The following IGSF11 variants were observed in gnomAD, a reference collection of about 807,000 sequenced individuals.
IGSF11 encodes CXADR like 1.
IGSF11 carries 22 observed loss-of-function variants against 41.0 expected under a neutral mutation model. The ratio of observed to expected loss-of-function variants is 0.54; its 90% CI spans 0.38 to 0.77. The LOEUF is 0.77. Ranked by LOEUF, IGSF11 falls within the 30% of genes least tolerant of loss-of-function variation. The pLI, the probability that IGSF11 is intolerant of heterozygous loss-of-function variation, is 0.00. For synonymous variants in IGSF11, 219 were observed against 201.3 expected, an observed-to-expected ratio of 1.09 and a Z score of -0.74; for missense variants, 444 against 530.8, an observed-to-expected ratio of 0.84 and a Z score of 1.61.
intron 1 of IGSF11, among the ~76,000 whole-genome samples, chr3:119,091,994 G>GA (rs1491453835): frequency 4.1e-5 from 1 of 24,332 alleles, no homozygotes; most frequent in African/African-American, 1.1e-4. Context: ...TGGTTTTTTT[G>GA]GGGGGGGGGG....
upstream of IGSF11, among the ~76,000 whole-genome samples, chr3:119,105,379 C>G (rs191009231): frequency 3.2e-3 from 486 of 152,200 alleles, 4 homozygotes; most frequent in African/African-American, 0.011. Context: ...ATTAATCACA[C>G]AGAAACTTTA....
chr3:119,058,328 C>T (rs1269424537), intron 1 of IGSF11, among the ~76,000 whole-genome samples: 2 of 152,174 alleles, frequency 1.3e-5, no homozygotes, highest in Non-Finnish European at 2.9e-5. Flanking sequence ...TGAACAGACA[C>T]TTCCCAAAAG....
At chr3:119,063,528 A>T (rs1485045259) in intron 1 of IGSF11, among the ~76,000 whole-genome samples, 2 of 152,248 alleles carry the variant, frequency 1.3e-5, no homozygotes, top group Non-Finnish European at 2.9e-5. Flanking sequence ...TAGAAAAAAA[A>T]ATGTCATTCT....
intron 1 of IGSF11, among the ~76,000 whole-genome samples, chr3:118,950,375 A>G (rs935199163): frequency 3.9e-5 from 6 of 152,218 alleles, no homozygotes; most frequent in Non-Finnish European, 5.9e-5. Context: ...ATTTCCTATC[A>G]TAAACAATAA....
chr3:118,925,927 GAAGA>G (rs1942248610), intron 4 of IGSF11, 170 bp downstream of exon 4: 1 of 399,062 alleles, frequency 2.5e-6, no homozygotes, highest in Non-Finnish European at 4.4e-6. Flanking sequence ...GCAATATAGA[GAAGA>G]GAGAGAAAAT....
At chr3:119,015,794 A>T (rs1559795011) in intron 1 of IGSF11, among the ~76,000 whole-genome samples, 1 of 152,112 alleles carries the variant, frequency 6.6e-6, no homozygotes, top group Non-Finnish European at 1.5e-5. Flanking sequence ...GGGGGAAAGG[A>T]AAAGTTAGAA....
intron 1 of IGSF11, among the ~76,000 whole-genome samples, chr3:118,945,420 C>T (rs1483338602): frequency 6.6e-6 from 1 of 152,160 alleles, no homozygotes; most frequent in East Asian, 1.9e-4. Flanking sequence ...ATGCTTTCCA[C>T]CCTGTCACCT....
At chr3:119,111,124 C>G (rs1294450468) in intron 1 of IGSF11, among the ~76,000 whole-genome samples, 15 of 152,150 alleles carry the variant, frequency 9.9e-5, no homozygotes, top group Admixed American at 7.2e-4. Flanking sequence ...TTTCCTGTAT[C>G]TGAATGTTGG....
intron 1 of IGSF11, among the ~76,000 whole-genome samples, chr3:119,001,375 C>A (rs1468672744): frequency 1.3e-5 from 2 of 151,452 alleles, no homozygotes; most frequent in African/African-American, 2.4e-5. Context: ...TAGTGTACTT[C>A]CTGAGCCCAG....
intron 1 of IGSF11, among the ~76,000 whole-genome samples, chr3:119,043,304 G>A (rs1394108452): frequency 6.6e-6 from 1 of 152,158 alleles, no homozygotes; most frequent in African/African-American, 2.4e-5. Flanking sequence ...GGCGATAGAT[G>A]ACTGGCTGTC....
intron 1 of IGSF11, among the ~76,000 whole-genome samples, chr3:119,111,937 A>C (rs1417840820): frequency 2.6e-5 from 4 of 152,106 alleles, no homozygotes; most frequent in Non-Finnish European, 5.9e-5. Flanking sequence ...CTGCTGTCTG[A>C]TCGTTCCTCT....
chr3:118,906,655 G>A (rs1939638634), intron 4 of IGSF11, among the ~76,000 whole-genome samples: 1 of 152,080 alleles, frequency 6.6e-6, no homozygotes, highest in African/African-American at 2.4e-5. Context: ...CCACTGCACT[G>A]GTATTGCCAA....
chr3:119,024,473 T>C (rs1939623288), intron 1 of IGSF11, among the ~76,000 whole-genome samples: 1 of 152,198 alleles, frequency 6.6e-6, no homozygotes, highest in Non-Finnish European at 1.5e-5. Flanking sequence ...GTTTTGTCAA[T>C]GTAACTAATT....
At chr3:119,141,130 G>C (rs1576844973) in intron 1 of IGSF11, among the ~76,000 whole-genome samples, 1 of 140,740 alleles carries the variant, frequency 7.1e-6, no homozygotes, top group East Asian at 2.0e-4. Flanking sequence ...AGAAAAATCA[G>C]AAATATGTGG....
intron 1 of IGSF11, among the ~76,000 whole-genome samples, chr3:119,128,991 T>A (rs1157497155): frequency 6.6e-6 from 1 of 152,222 alleles, no homozygotes; most frequent in Non-Finnish European, 1.5e-5. Context: ...CCATAAAAAA[T>A]GAGATCGTGT....
At chr3:119,125,075 C>T (rs1051431505) in intron 1 of IGSF11, among the ~76,000 whole-genome samples, 2 of 152,134 alleles carry the variant, frequency 1.3e-5, no homozygotes, top group Non-Finnish European at 2.9e-5. Context: ...GTCTTTCAAA[C>T]ATGAAGGAAA....
At chr3:119,046,646 C>A (rs1257719489) in intron 1 of IGSF11, among the ~76,000 whole-genome samples, 1 of 151,822 alleles carries the variant, frequency 6.6e-6, no homozygotes, top group Non-Finnish European at 1.5e-5. Flanking sequence ...ACAGAGAACA[C>A]CACAAAGATA....
At chr3:119,058,128 C>G (rs1433006399) in intron 1 of IGSF11, among the ~76,000 whole-genome samples, 2 of 152,154 alleles carry the variant, frequency 1.3e-5, no homozygotes, top group Non-Finnish European at 2.9e-5. Context: ...CAAATGGGAT[C>G]TAATTAAACT....
intron 4 of IGSF11, among the ~76,000 whole-genome samples, chr3:118,917,423 G>T (rs1384369356): frequency 6.8e-6 from 1 of 147,774 alleles, no homozygotes; most frequent in African/African-American, 2.6e-5. Flanking sequence ...TGATAAAGGG[G>T]TATCACCACC....
Sources: allele counts gnomAD v4.1 joint callset (sites outside exome capture counted in the v4.1 genomes callset), GRCh38; gene constraint gnomAD v4.1.1; transcripts MANE v1.5; gene names NCBI Gene and HGNC (gene_info 2026-07-23, HGNC 2026-07-21).